The following PCSK5 variants were observed in gnomAD, a reference collection of about 807,000 sequenced individuals.
PCSK5 encodes proprotein convertase subtilisin/kexin type 5.
PCSK5 carries 129 observed loss-of-function variants against 233.2 expected under a neutral mutation model. The ratio of observed to expected loss-of-function variants is 0.55; its 90% confidence interval spans 0.48 to 0.64. PCSK5 has a LOEUF of 0.64. Among genes scored for constraint, PCSK5 ranks in the 30% least tolerant of loss-of-function variants. The pLI is 0.00. For missense variants in PCSK5, 2,076 were observed against 2,430.1 expected (o/e 0.85, Z 3.06); for synonymous variants, 825 against 879.2 (o/e 0.94, Z 1.09).
intron 10 of PCSK5, among the ~76,000 whole-genome samples, chr9:76,147,724 A>G (rs1823497485): frequency 6.6e-6 from 1 of 152,168 alleles, no homozygotes; most frequent in Non-Finnish European, 1.5e-5. Context: ...TCCTTAGAAG[A>G]ATAAAGTGCC....
intron 24 of PCSK5, among the ~76,000 whole-genome samples, chr9:76,281,345 T>C (rs1024489358): frequency 1.3e-5 from 2 of 152,134 alleles, no homozygotes; most frequent in Non-Finnish European, 2.9e-5. Context: ...TTAAAGCCAG[T>C]ATTCACTTAT....
chr9:76,047,201 A>G (rs1361594296), intron 5 of PCSK5, among the ~76,000 whole-genome samples: 1 of 150,920 alleles, frequency 6.6e-6, no homozygotes, highest in Non-Finnish European at 1.5e-5. Flanking sequence ...GGTTCACGCC[A>G]TTCTCCTGCC....
chr9:76,336,429 A>G (rs1829680747), intron 34 of PCSK5, among the ~76,000 whole-genome samples: 1 of 152,204 alleles, frequency 6.6e-6, no homozygotes, highest in Non-Finnish European at 1.5e-5. Flanking sequence ...GATGAATCAG[A>G]TGACCTTTAG....
chr9:76,126,997 CT>C (rs1687622989), intron 9 of PCSK5, among the ~76,000 whole-genome samples: 1 of 146,764 alleles, frequency 6.8e-6, no homozygotes, highest in Admixed American at 7.0e-5. Context: ...ACCCAAAATG[CT>C]TATTTTCATT....
chr9:76,323,791 G>A (rs1158433118), intron 32 of PCSK5, among the ~76,000 whole-genome samples: 1 of 152,148 alleles, frequency 6.6e-6, no homozygotes, highest in African/African-American at 2.4e-5. Context: ...ATGAACTGCT[G>A]GTCAAAAGAA....
intron 2 of PCSK5, among the ~76,000 whole-genome samples, chr9:75,970,093 G>T (rs1338686198): frequency 6.6e-6 from 1 of 151,998 alleles, no homozygotes; most frequent in Non-Finnish European, 1.5e-5. Context: ...GGCTGGTCTT[G>T]AACTCCTGAC....
intron 34 of PCSK5, among the ~76,000 whole-genome samples, chr9:76,334,137 A>G (rs576447179): frequency 1.1e-3 from 168 of 152,228 alleles, no homozygotes; most frequent in Middle Eastern, 6.8e-3. Flanking sequence ...TCCTTATCAA[A>G]CCGTCAGATC....
intron 9 of PCSK5, among the ~76,000 whole-genome samples, chr9:76,132,758 G>A (rs1001512048): frequency 2.0e-5 from 3 of 152,060 alleles, no homozygotes; most frequent in African/African-American, 7.2e-5. Context: ...ACATAAAGCA[G>A]ATACTAGCAT....
intron 1 of PCSK5, among the ~76,000 whole-genome samples, chr9:75,906,525 G>A (rs918199815): frequency 1.3e-5 from 2 of 152,082 alleles, no homozygotes; most frequent in African/African-American, 4.8e-5. Context: ...GCGCCCAGCC[G>A]CAGATACCTA....
chr9:75,930,169 T>C (rs1418678537), intron 1 of PCSK5, among the ~76,000 whole-genome samples: 3 of 152,302 alleles, frequency 2.0e-5, no homozygotes, highest in Admixed American at 6.5e-5. Context: ...AGCTGATCTC[T>C]TGAGACTTAT....
intron 1 of PCSK5, among the ~76,000 whole-genome samples, chr9:75,910,030 A>T (rs949012377): frequency 2.0e-5 from 3 of 152,190 alleles, no homozygotes; most frequent in African/African-American, 7.2e-5. Flanking sequence ...GAGAGATGCG[A>T]TGAGCAGCAC....
At chr9:76,339,527 T>G (rs902200029) in intron 35 of PCSK5, among the ~76,000 whole-genome samples, 2 of 152,022 alleles carry the variant, frequency 1.3e-5, no homozygotes, top group Non-Finnish European at 2.9e-5. Context: ...CTTACTACAC[T>G]TCAATAAACT....
intron 3 of PCSK5, among the ~76,000 whole-genome samples, chr9:76,021,866 C>T (rs972281684): frequency 2.6e-5 from 4 of 152,130 alleles, no homozygotes; most frequent in Non-Finnish European, 4.4e-5. Flanking sequence ...ACCATGCCTC[C>T]GCTTCTAACT....
At chr9:76,273,420 A>G (rs1827587120) in intron 24 of PCSK5, among the ~76,000 whole-genome samples, 1 of 151,694 alleles carries the variant, frequency 6.6e-6, no homozygotes, top group South Asian at 2.1e-4. Context: ...TCTTTCATCC[A>G]CCAAATTTCA....
intron 8 of PCSK5, among the ~76,000 whole-genome samples, chr9:76,103,167 T>G (rs1394848546): frequency 6.6e-6 from 1 of 152,192 alleles, no homozygotes; most frequent in Non-Finnish European, 1.5e-5. Flanking sequence ...TAAATCAGCT[T>G]CTTCTATTTT....
At chr9:76,030,995 G>C (rs1828631765) in intron 5 of PCSK5, among the ~76,000 whole-genome samples, 1 of 152,130 alleles carries the variant, frequency 6.6e-6, no homozygotes, top group South Asian at 2.1e-4. Context: ...CGGTGAAATA[G>C]GGAATTTTCA....
chr9:75,998,092 A>T (rs1827100711), intron 3 of PCSK5, among the ~76,000 whole-genome samples: 1 of 152,200 alleles, frequency 6.6e-6, no homozygotes, highest in South Asian at 2.1e-4. Context: ...AACTTAGTTA[A>T]ATTAGTGCCT....
chr9:76,156,293 A>T (rs1365570328), intron 10 of PCSK5, among the ~76,000 whole-genome samples: 2 of 152,224 alleles, frequency 1.3e-5, no homozygotes, highest in African/African-American at 4.8e-5. Flanking sequence ...TGAGACAGTT[A>T]TGTCAAATTC....
At chr9:76,139,979 A>G (rs1264253741) in intron 10 of PCSK5, among the ~76,000 whole-genome samples, 1 of 152,080 alleles carries the variant, frequency 6.6e-6, no homozygotes, top group African/African-American at 2.4e-5. Context: ...TCTCATCAGA[A>G]TGTTCAACTC....
Sources: allele counts gnomAD v4.1 joint callset (sites outside exome capture counted in the v4.1 genomes callset), GRCh38; gene constraint gnomAD v4.1.1; transcripts MANE v1.5; gene names NCBI Gene and HGNC (gene_info 2026-07-23, HGNC 2026-07-21).